TAF2: variants seen among roughly 807,000 people sequenced by gnomAD.
TAF2 encodes the protein TATA-box binding protein associated factor 2, also known as transcription initiation factor TFIID subunit 2.
In TAF2, 61 loss-of-function variants were observed where a neutral mutation model predicts 138.5. That is an observed-to-expected ratio of 0.44 (90% CI 0.36 to 0.54). The LOEUF is 0.54. Ranked by LOEUF, TAF2 falls within the 20% of genes least tolerant of loss-of-function variation. The pLI, the probability that TAF2 is intolerant of heterozygous loss-of-function variation, is 0.00. For synonymous variants in TAF2, 475 were observed against 469.9 expected (o/e 1.01, Z -0.14); for missense variants, 1,090 against 1,427.9 (o/e 0.76, Z 3.81).
intron 18 of TAF2, among the ~76,000 whole-genome samples, chr8:119,777,018 T>C (rs942566114): frequency 2.0e-5 from 3 of 150,178 alleles, no homozygotes; most frequent in African/African-American, 7.2e-5. Flanking sequence ...GTACTGAACA[T>C]GTATGGACTT....
rs772972609 is a variant in TAF2, at chr8:119,797,028, G to A, written c.1053C>T (p.Ala351=). ...ATATGAAACAACCAAAAAACTGCTG[G>A]GCCAAGGATTGGGCTAAACACCTTC... is the stretch of plus-strand genomic sequence containing the variant. ...LTRRCLAQSL[A]QQFFGCFISR... is the part of the protein sequence containing the mutation. The change falls in exon 8 of 26, where the codon GCC becomes GCT. Residue 351 remains alanine (A), a synonymous_variant. Transcript: ENST00000378164. 1 of 1,612,908 alleles carries A rather than the reference G, an allele frequency of 6.2e-7. No homozygotes were observed. Among genetic ancestry groups the A allele is most frequent in the South Asian group, 1.1e-5 (1 of 91,000 alleles).
Position 119,731,697 on chromosome 8 carries a change from A to C in TAF2, c.*227T>G, listed in dbSNP as rs1353869322. On this transcript the variant is annotated 3_prime_UTR_variant, in exon 26 of 26. Transcript: ENST00000378164. Reference sequence around the variant, plus strand: ...GCTCTGTGTGTGTGTTTTGGGGAGGAAACAGCGGATGAAATAGTTTATCCA... The same window carrying C: ...GCTCTGTGTGTGTGTTTTGGGGAGGCAACAGCGGATGAAATAGTTTATCCA... 1.8e-6 allele frequency: 1 copy of C among 558,780 alleles called. No homozygotes were observed. The highest frequency in any genetic ancestry group is 1.9e-5 in the African/African-American group (1 of 53,014). The allele number at this position is 558,780 out of a possible 1,614,324, so 34.6% of individuals were successfully genotyped here. A position where few individuals can be genotyped will look rare whatever the true frequency, so the allele number is the denominator to read the frequency against.
intron 2 of TAF2, among the ~76,000 whole-genome samples, chr8:119,822,407 TAG>T (rs1825853618): frequency 1.3e-5 from 2 of 151,978 alleles, no homozygotes; most frequent in South Asian, 4.2e-4. Context: ...TTTTTTTCTC[TAG>T]AGACGGGTCT....
chr8:119,816,881 T>G (rs1796817081), intron 3 of TAF2, among the ~76,000 whole-genome samples: 1 of 152,242 alleles, frequency 6.6e-6, no homozygotes, highest in South Asian at 2.1e-4. Context: ...TGTTTATCCT[T>G]CATGCGAATT....
intron 2 of TAF2, among the ~76,000 whole-genome samples, chr8:119,825,515 G>A (rs982306715): frequency 2.0e-5 from 3 of 152,156 alleles, no homozygotes; most frequent in African/African-American, 7.2e-5. Flanking sequence ...CTTAAGATTT[G>A]GGAGGGGCCA....
intron 14 of TAF2, among the ~76,000 whole-genome samples, chr8:119,786,314 C>T (rs919661406): frequency 6.6e-6 from 1 of 152,168 alleles, no homozygotes; most frequent in Non-Finnish European, 1.5e-5. Context: ...GATGTAGAGG[C>T]TTTTCATGAC....
rs546468025 is a variant in TAF2 at position 119,742,551 on chromosome 8, A to C, written c.3320T>G (p.Leu1107Arg). 321 of 1,613,978 alleles carry C rather than the reference A, an allele frequency of 2.0e-4. 4 individuals carry two copies. The South Asian group carries it at 3.3e-3, about 17-fold the overall frequency. The change falls in exon 25 of 26, where the codon CTT becomes CGT. Residue 1107 changes from leucine (L) to arginine (R), a missense_variant. Physicochemically the swap from Leu to Arg is moderately radical, Grantham distance 102. This residue lies in a region of TAF2 where 580 missense variants were observed against 719.6 expected (regional missense o/e 0.81). Coordinates refer to ENST00000378164, the MANE Select transcript of TAF2 (RefSeq NM_003184.4). ...ATTTTTACCTGTTCCCTTCCGTGCAAGTTCCAAACTCCACTGGGGTTTTGT... is the reference window on the plus strand; with the variant it reads ...ATTTTTACCTGTTCCCTTCCGTGCACGTTCCAAACTCCACTGGGGTTTTGT... Reference protein sequence around the residue: ...PTTKPQWSLELARKGTGKEQA... With the variant: ...PTTKPQWSLERARKGTGKEQA...
rs1424339653 is a variant in TAF2, at chr8:119,756,050, CA to C, written c.2833del (p.Cys945AlafsTer6). ...AAGTTGATCTACCAGGGCTTCATTG[CA>C]TAAGGGAGACTCCATGTTCTTAGTA... ...PFTKNMESPLCNEALVDQLWK... is the reference protein window; with the variant it reads ...PFTKNMESPLXNEALVDQLWK... On this transcript the variant is annotated frameshift_variant, in exon 22 of 26. Coordinates refer to ENST00000378164, the MANE Select transcript of TAF2 (RefSeq NM_003184.4). LOFTEE classifies it high-confidence loss of function. 1 of 1,613,580 alleles carries C rather than the reference CA, an allele frequency of 6.2e-7. No homozygotes were observed.
At chr8:119,758,342 T>C (rs907003201) in intron 20 of TAF2, among the ~76,000 whole-genome samples, 200 bp from the exon 21 acceptor site, 1 of 152,136 alleles carries the variant, frequency 6.6e-6, no homozygotes. Context: ...AAGCTATATA[T>C]TAGAGCCAAG....
At position 119,783,587 on chromosome 8, in the gene TAF2, C is replaced by T; in HGVS notation, c.1906G>A (p.Val636Ile). 6.2e-7 allele frequency: 1 copy of T among 1,614,180 alleles called. No individual in the cohort carries two copies. Among genetic ancestry groups the T allele is most frequent in the South Asian group, 1.1e-5 (1 of 91,084 alleles). ...TGCTCAAATTCTACCTTCCTCAATACTGACATATCTGGGTCTATCCTTATC... is the reference window on the plus strand; with the variant it reads ...TGCTCAAATTCTACCTTCCTCAATATTGACATATCTGGGTCTATCCTTATC... The part of the protein sequence containing the change: ...LWIRIDPDMS[V>I]LRKVEFEQAD... Residue 636 changes from valine (V) to isoleucine (I), a missense_variant, in exon 16 of 26, where the codon GTA (valine) becomes ATA (isoleucine). Val to Ile is a conservative substitution (Grantham distance 29, BLOSUM62 3). Around this residue, in one of 3 missense-constraint regions of TAF2, gnomAD observed 580 missense variants for 719.6 expected, o/e 0.81. Transcript: ENST00000378164.
At chr8:119,740,491 TAAAA>T (rs34577375) in intron 25 of TAF2, among the ~76,000 whole-genome samples, 1 of 86,918 alleles carries the variant, frequency 1.2e-5, no homozygotes. Context: ...CTGTCTCTAC[TAAAA>T]AAAAAAAAAA....
At chr8:119,749,313 A>C (rs1820189143) in intron 22 of TAF2, among the ~76,000 whole-genome samples, 1 of 152,188 alleles carries the variant, frequency 6.6e-6, no homozygotes, top group Admixed American at 6.5e-5. Context: ...AAAGGAATGA[A>C]CACCACTGTT....
chr8:119,831,283 G>A (rs564963510), intron 2 of TAF2, among the ~76,000 whole-genome samples: 1 of 152,212 alleles, frequency 6.6e-6, no homozygotes, highest in African/African-American at 2.4e-5. Context: ...AACCAAGTCA[G>A]TCAAGAAGCA....
intron 3 of TAF2, among the ~76,000 whole-genome samples, chr8:119,812,216 A>G (rs889139595): frequency 5.9e-5 from 9 of 152,236 alleles, no homozygotes; most frequent in African/African-American, 2.2e-4. Flanking sequence ...TGTGAGTTAT[A>G]GCATCCTATG....
At position 119,788,335 on chromosome 8, in the gene TAF2, T is replaced by C. The variant is rs1272989537; in HGVS notation, c.1793+3A>G. 2.5e-6 allele frequency: 4 copies of C among 1,608,814 alleles called. No homozygotes were observed. Among genetic ancestry groups the C allele is most frequent in the Non-Finnish European group, 3.4e-6 (4 of 1,175,350 alleles). On this transcript the variant is annotated splice_donor_region_variant and intron_variant, in intron 14 of 25. Transcript: ENST00000378164. Reference sequence around the variant, plus strand: ...CAATTTATAGTTATTATGTAATGCCTACCTTCTACTTTTGGAATGGCAGGG... The same window carrying C: ...CAATTTATAGTTATTATGTAATGCCCACCTTCTACTTTTGGAATGGCAGGG...
At position 119,806,313 on chromosome 8, in the gene TAF2, C is replaced by A. The variant is rs1397184618; in HGVS notation, c.388G>T (p.Val130Phe). The A allele has an allele frequency of 2.5e-6, 4 of 1,613,874 alleles. No homozygotes were observed. In the African/African-American group the frequency reaches 4.0e-5, roughly 16 times the overall value. ...ACGTGTTTCCATAGCTCTGATGGAA[C>A]CTTAATGCAAAGTTCTCCATTTCCT... ...DAGNGELCIK[V>F]PSELWKHVDE... The change falls in exon 4 of 26, where the codon GTT becomes TTT. Residue 130 changes from valine to phenylalanine, a missense_variant. This residue lies in a region of TAF2 where 504 missense variants were observed against 680.9 expected (regional missense o/e 0.74). Coordinates refer to ENST00000378164, the MANE Select transcript of TAF2 (RefSeq NM_003184.4).
intron 3 of TAF2, among the ~76,000 whole-genome samples, chr8:119,813,485 G>A (rs1437679929): frequency 2.0e-5 from 3 of 152,132 alleles, no homozygotes; most frequent in Non-Finnish European, 4.4e-5. Flanking sequence ...TCTAGATAAA[G>A]GACAAAATGG....
At chr8:119,811,833 C>G (rs1196798165) in intron 3 of TAF2, among the ~76,000 whole-genome samples, 1 of 148,788 alleles carries the variant, frequency 6.7e-6, no homozygotes. Flanking sequence ...AAAAAATAAC[C>G]AAAACAAAAT....
At chr8:119,745,400 T>G (rs1481600330) in intron 23 of TAF2, among the ~76,000 whole-genome samples, 2 of 150,630 alleles carry the variant, frequency 1.3e-5, no homozygotes, top group Non-Finnish European at 2.9e-5. Context: ...TGAGACTCTT[T>G]TTTTTCTATG....
Sources: gnomAD v4.1 joint callset for allele counts (sites outside exome capture counted in the v4.1 genomes callset) on GRCh38, gnomAD v4.1.1 for gene constraint, gnomAD v4.1.1 regional missense constraint, MANE v1.5 for transcripts, NCBI Gene and HGNC (gene_info 2026-07-23, HGNC 2026-07-21) for gene names.